The following KLRG1 variants were observed in gnomAD, a reference collection of about 807,000 sequenced individuals.
KLRG1 encodes killer cell lectin-like receptor subfamily G member 1.
In KLRG1, 16 loss-of-function variants were observed where a neutral mutation model predicts 21.8. The observed-to-expected ratio is 0.73, with a 90% CI of 0.50 to 1.11. The LOEUF (loss-of-function observed/expected upper bound fraction) is 1.11, where lower values mean the gene tolerates loss of function less well. Ranked by LOEUF, KLRG1 falls within the 50% of genes most tolerant of loss-of-function variation. KLRG1 has a pLI of 0.00. For synonymous variants in KLRG1, 69 were observed against 75.9 expected, an observed-to-expected ratio of 0.91 and a Z score of 0.47; for missense variants, 173 against 218.3, an observed-to-expected ratio of 0.79 and a Z score of 1.31.
the KLRG1 span, chr12:9,109,479 T>A: frequency 8.9e-7 from 1 of 1,124,740 alleles, no homozygotes; most frequent in African/African-American, 1.5e-5. Flanking sequence ...AGGTTCCCTG[T>A]AACAGTTCCC....
chr12:9,027,704 A>C, the KLRG1 span: 5 of 1,200,084 alleles, frequency 4.2e-6, no homozygotes, highest in South Asian at 6.0e-5. Flanking sequence ...AATTGCCAAA[A>C]TTCATTGTAG....
intron 3 of KLRG1, among the ~76,000 whole-genome samples, chr12:9,003,980 T>G (rs926395812): frequency 1.1e-4 from 16 of 152,038 alleles, no homozygotes; most frequent in African/African-American, 3.9e-4. Flanking sequence ...TGCGATAGTT[T>G]ACTGAGAATG....
At chr12:9,094,968 T>C in the KLRG1 span, 1 of 1,465,392 alleles carries the variant, frequency 6.8e-7, no homozygotes, top group South Asian at 1.5e-5. Context: ...TAATTTTTTG[T>C]TTACCATAAA....
the KLRG1 span, among the ~76,000 whole-genome samples, chr12:9,203,503 G>A: frequency 1.7e-3 from 263 of 152,010 alleles, no homozygotes; most frequent in Non-Finnish European, 2.8e-3. Flanking sequence ...CACTACGCCC[G>A]GCTAATTTTT....
At chr12:9,089,821 T>C in the KLRG1 span, 5 of 940,962 alleles carry the variant, frequency 5.3e-6, no homozygotes, top group South Asian at 2.6e-5. Flanking sequence ...GAGAATAATA[T>C]TATAAAATAT....
At chr12:9,028,921 A>C in the KLRG1 span, 1 of 634,220 alleles carries the variant, frequency 1.6e-6, no homozygotes, top group Non-Finnish European at 3.0e-6. Context: ...GACAAACCCA[A>C]AGCCCCTGCA....
chr12:9,044,429 C>A, the KLRG1 span, among the ~76,000 whole-genome samples: 1 of 152,106 alleles, frequency 6.6e-6, no homozygotes, highest in Non-Finnish European at 1.5e-5. Context: ...CTTTGGGAGG[C>A]CGAGACAGGT....
At chr12:9,084,367 C>T in the KLRG1 span, among the ~76,000 whole-genome samples, 5 of 152,052 alleles carry the variant, frequency 3.3e-5, no homozygotes, top group East Asian at 9.6e-4. Context: ...ATATTAATAA[C>T]AAGCATAGCT....
At chr12:8,969,044 A>G (rs1946525254) in intron 1 of KLRG1, among the ~76,000 whole-genome samples, 1 of 152,220 alleles carries the variant, frequency 6.6e-6, no homozygotes, top group Non-Finnish European at 1.5e-5. Context: ...TTTATCCTCA[A>G]CAAAGCTCTC....
the KLRG1 span, chr12:9,099,567 A>T: frequency 1.3e-6 from 2 of 1,568,400 alleles, no homozygotes; most frequent in Admixed American, 3.8e-5. Context: ...TAGGTTAATG[A>T]CTATTTCCAT....
chr12:9,148,203 GT>G, the KLRG1 span, among the ~76,000 whole-genome samples: 1 of 152,056 alleles, frequency 6.6e-6, no homozygotes, highest in Non-Finnish European at 1.5e-5. Context: ...TAATTAACAT[GT>G]ACATTACTTC....
At chr12:9,176,996 G>C in the KLRG1 span, among the ~76,000 whole-genome samples, 3 of 152,196 alleles carry the variant, frequency 2.0e-5, no homozygotes, top group Non-Finnish European at 4.4e-5. Context: ...AGAGGATCGA[G>C]TATATTTTAC....
chr12:9,191,609 G>T, the KLRG1 span, among the ~76,000 whole-genome samples: 1 of 152,066 alleles, frequency 6.6e-6, no homozygotes, highest in African/African-American at 2.4e-5. Flanking sequence ...GGGGTGTGGT[G>T]GAAATTGGTA....
At chr12:8,956,734 A>G (rs1352786509) in intron 1 of KLRG1, among the ~76,000 whole-genome samples, 2 of 152,202 alleles carry the variant, frequency 1.3e-5, no homozygotes, top group Non-Finnish European at 2.9e-5. Flanking sequence ...GGCATGAGCC[A>G]CTGCACCTGA....
At chr12:9,173,361 T>A in the KLRG1 span, among the ~76,000 whole-genome samples, 1 of 152,104 alleles carries the variant, frequency 6.6e-6, no homozygotes, top group Non-Finnish European at 1.5e-5. Flanking sequence ...AGTGCCTGCA[T>A]CTAAAAGCTA....
the KLRG1 span, among the ~76,000 whole-genome samples, chr12:9,138,462 A>AT: frequency 1.4e-4 from 20 of 147,816 alleles, no homozygotes; most frequent in Middle Eastern, 3.5e-3. Flanking sequence ...TTGGCCTGTC[A>AT]TTTTTTTTTT....
the KLRG1 span, among the ~76,000 whole-genome samples, chr12:9,047,670 TAA>T: frequency 3.9e-5 from 6 of 152,084 alleles, no homozygotes; most frequent in Non-Finnish European, 7.4e-5. Context: ...AAACTCACTG[TAA>T]ATATAAAGGA....
intron 1 of KLRG1, among the ~76,000 whole-genome samples, chr12:8,973,442 C>T (rs751767089): frequency 2.0e-5 from 3 of 152,086 alleles, no homozygotes; most frequent in African/African-American, 4.8e-5. Context: ...CGCCTTTTGC[C>T]CTTCTGCCTT....
At chr12:9,067,656 A>G in the KLRG1 span, 1 of 720,258 alleles carries the variant, frequency 1.4e-6, no homozygotes, top group Non-Finnish European at 2.5e-6. Context: ...TCTATTGGGA[A>G]TCATATGGAA....
Sources: allele counts gnomAD v4.1 joint callset (sites outside exome capture counted in the v4.1 genomes callset), GRCh38; gene constraint gnomAD v4.1.1; transcripts MANE v1.5; gene names NCBI Gene and HGNC (gene_info 2026-07-23, HGNC 2026-07-21).